RASSF3: variants seen among roughly 807,000 people sequenced by gnomAD.
RASSF3 encodes the protein ras association domain-containing protein 3.
RASSF3 carries 19 observed loss-of-function variants against 19.9 expected under a neutral mutation model. The ratio of observed to expected loss-of-function variants is 0.96; its 90% CI spans 0.67 to 1.40. The LOEUF (loss-of-function observed/expected upper bound fraction) is 1.40, where lower values mean the gene tolerates loss of function less well. Among genes scored for constraint, RASSF3 ranks in the 40% most tolerant of loss-of-function variants. The probability of loss-of-function intolerance (pLI) is 0.00; values close to 1 mark genes in which losing one functional copy is unlikely to be tolerated. For synonymous variants in RASSF3, 110 were observed against 104.2 expected (o/e 1.06, Z -0.34); for missense variants, 306 against 289.8 (o/e 1.06, Z -0.41).
At position 64,541,620 on chromosome 12, in the gene RASSF3, T is replaced by TTC. The variant is rs983036805; in HGVS notation, c.107_108insTC (p.Leu38IlefsTer19). On this transcript the variant is annotated frameshift_variant, in exon 2 of 2. Coordinates refer to the RASSF3 transcript ENST00000636333. LOFTEE classifies it low-confidence loss of function (END_TRUNC). ...TGTCATGCTCACTGCCGAGACCTGG[T>TTC]ACATCTGGATTATCCACAAAATGGG... is the stretch of plus-strand genomic sequence containing the variant. 1.8e-4 allele frequency: 73 copies of TTC among 398,574 alleles called. No homozygotes were observed. Among genetic ancestry groups the TTC allele is most frequent in the African/African-American group, 1.3e-3 (61 of 48,720 alleles). 24.7% of individuals were successfully genotyped at this position (398,574 alleles called of 1,614,324 possible). A position where few individuals can be genotyped will look rare whatever the true frequency, so the allele number is the denominator to read the frequency against.
intron 2 of RASSF3, among the ~76,000 whole-genome samples, chr12:64,587,349 G>C (rs966836966): frequency 6.6e-6 from 1 of 152,050 alleles, no homozygotes; most frequent in African/African-American, 2.4e-5. Flanking sequence ...GAGCCACTGT[G>C]CCCGGCCTCC....
At chr12:64,515,196 A>G (rs1868354821) in intron 1 of RASSF3, among the ~76,000 whole-genome samples, 2 of 152,032 alleles carry the variant, frequency 1.3e-5, no homozygotes, top group Admixed American at 1.3e-4. Flanking sequence ...AGCTGGGATT[A>G]TAGGCGTCCA....
At chr12:64,546,301 C>A (rs57420731), downstream of RASSF3, among the ~76,000 whole-genome samples, 4 of 152,036 alleles carry the variant, frequency 2.6e-5, no homozygotes, top group Non-Finnish European at 4.4e-5. Context: ...GACGGAGTCT[C>A]GCTCTGTTGC....
upstream of RASSF3, among the ~76,000 whole-genome samples, chr12:64,532,337 C>A (rs1565833917): frequency 6.6e-6 from 1 of 151,696 alleles, no homozygotes; most frequent in Non-Finnish European, 1.5e-5. Context: ...GTGATCTAAC[C>A]TATCATGTGA....
At chr12:64,688,599 A>G (rs1873452842) in intron 3 of RASSF3, 146 bp downstream of exon 3, 1 of 702,726 alleles carries the variant, frequency 1.4e-6, no homozygotes, top group Admixed American at 2.1e-5. Flanking sequence ...TGATCTTAGC[A>G]TGCACTTAGT....
chr12:64,555,463 C>A (rs781697948), intron 2 of RASSF3, among the ~76,000 whole-genome samples: 2 of 151,770 alleles, frequency 1.3e-5, no homozygotes, highest in Non-Finnish European at 2.9e-5. Context: ...TAGAAAGCCT[C>A]TACCGGCCGG....
intron 1 of RASSF3, chr12:64,628,267 A>G (rs567025496): frequency 6.6e-6 from 1 of 152,282 alleles, no homozygotes; most frequent in African/African-American, 2.4e-5. Context: ...GAACTTGTAT[A>G]TATTGCAGGA....
At chr12:64,690,820 T>C (rs1487683325) in intron 3 of RASSF3, among the ~76,000 whole-genome samples, 1 of 151,704 alleles carries the variant, frequency 6.6e-6, no homozygotes, top group Non-Finnish European at 1.5e-5. Flanking sequence ...TGGACCCTTT[T>C]TTAGGTTTCT....
intron 1 of RASSF3, among the ~76,000 whole-genome samples, chr12:64,642,520 A>G (rs1403330304): frequency 1.5e-5 from 2 of 129,960 alleles, no homozygotes; most frequent in Non-Finnish European, 3.1e-5. Context: ...AGATCATGCC[A>G]CTGCACTCCA....
intron 2 of RASSF3, among the ~76,000 whole-genome samples, chr12:64,604,027 T>C (rs923229819): frequency 2.0e-5 from 3 of 152,024 alleles, no homozygotes; most frequent in South Asian, 2.1e-4. Flanking sequence ...TTTGTATTTT[T>C]AGTAGAGATG....
chr12:64,542,646 T>A (rs1249736862), downstream of RASSF3, among the ~76,000 whole-genome samples: 1 of 152,152 alleles, frequency 6.6e-6, no homozygotes, highest in Non-Finnish European at 1.5e-5. Flanking sequence ...TCCCAACACT[T>A]TGGGAGGCCG....
intron 2 of RASSF3, among the ~76,000 whole-genome samples, chr12:64,562,522 A>AC (rs1213530868): frequency 6.6e-6 from 1 of 151,760 alleles, no homozygotes; most frequent in African/African-American, 2.4e-5. Flanking sequence ...CCATGTCTCT[A>AC]CCCCCATCTT....
At chr12:64,612,351 C>A (rs1255631488) in intron 1 of RASSF3, among the ~76,000 whole-genome samples, 1 of 151,948 alleles carries the variant, frequency 6.6e-6, no homozygotes, top group African/African-American at 2.4e-5. Flanking sequence ...CTGGCTGGTT[C>A]TTGGATTCTC....
At chr12:64,572,989 C>T (rs1228471133) in intron 2 of RASSF3, among the ~76,000 whole-genome samples, 1 of 152,190 alleles carries the variant, frequency 6.6e-6, no homozygotes, top group Non-Finnish European at 1.5e-5. Context: ...CTTGCCTCGG[C>T]CTCCCAAAGC....
At chr12:64,689,809 C>T (rs1440594968) in intron 3 of RASSF3, among the ~76,000 whole-genome samples, 12 of 10,264 alleles carry the variant, frequency 1.2e-3, no homozygotes, top group South Asian at 5.3e-3. Context: ...TTTTTTGAGA[C>T]GGAGTCTCGT....
intron 2 of RASSF3, among the ~76,000 whole-genome samples, chr12:64,590,312 A>G (rs1869898157): frequency 6.6e-6 from 1 of 152,136 alleles, no homozygotes; most frequent in Admixed American, 6.6e-5. Context: ...ACATTAACTT[A>G]TAAGCTCAAT....
intron 3 of RASSF3, 60 bp downstream of exon 3, chr12:64,688,513 T>C: frequency 8.4e-7 from 1 of 1,197,212 alleles, no homozygotes. Flanking sequence ...GCTGTTCTCA[T>C]TAGCAGAGGG....
chr12:64,653,659 C>T (rs1409589523), intron 1 of RASSF3, among the ~76,000 whole-genome samples: 1 of 151,970 alleles, frequency 6.6e-6, no homozygotes, highest in African/African-American at 2.4e-5. Context: ...CCTTCACCTC[C>T]TGGGCCCAAG....
chr12:64,614,090 T>C (rs190988286), intron 1 of RASSF3, among the ~76,000 whole-genome samples: 1 of 152,242 alleles, frequency 6.6e-6, no homozygotes, highest in Admixed American at 6.5e-5. Flanking sequence ...GCTGAATGAA[T>C]GAATGTTTTC....
Sources: allele counts gnomAD v4.1 joint callset (sites outside exome capture counted in the v4.1 genomes callset), GRCh38; gene constraint gnomAD v4.1.1; transcripts MANE v1.5; gene names NCBI Gene and HGNC (gene_info 2026-07-23, HGNC 2026-07-21).